MALRD1: variants seen among roughly 807,000 people sequenced by gnomAD.
The protein encoded by MALRD1 is MAM and LDL-receptor class A domain-containing protein 1.
In MALRD1, 247 loss-of-function variants were observed where a neutral mutation model predicts 242.1. That is an observed-to-expected ratio of 1.02 (90% CI 0.92 to 1.13). The LOEUF (loss-of-function observed/expected upper bound fraction) is 1.13, where lower values mean the gene tolerates loss of function less well. MALRD1 is among the 50% of genes most tolerant of loss of function. The pLI, the probability that MALRD1 is intolerant of heterozygous loss-of-function variation, is 0.00. For synonymous variants in MALRD1, 995 were observed against 866.6 expected, an observed-to-expected ratio of 1.15 and a Z score of -2.60; for missense variants, 2,989 against 2,533.1, an observed-to-expected ratio of 1.18 and a Z score of -3.86.
chr10:19,654,081 C>G (rs1339048080), intron 36 of MALRD1, among the ~76,000 whole-genome samples: 1 of 152,108 alleles, frequency 6.6e-6, no homozygotes, highest in Non-Finnish European at 1.5e-5. Context: ...CTATTTAAAG[C>G]ATAATATTGT....
chr10:19,410,913 A>C (rs1033054925), intron 28 of MALRD1, among the ~76,000 whole-genome samples: 1 of 152,194 alleles, frequency 6.6e-6, no homozygotes, highest in African/African-American at 2.4e-5. Flanking sequence ...CTAGTAATAT[A>C]GTTCATCTTG....
At chr10:19,098,313 A>G (rs1023675687) in intron 4 of MALRD1, among the ~76,000 whole-genome samples, 1 of 152,214 alleles carries the variant, frequency 6.6e-6, no homozygotes, top group African/African-American at 2.4e-5. Context: ...CATTTTTAAC[A>G]TGCTATTATT....
At chr10:19,613,990 A>G (rs16919167) in intron 35 of MALRD1, among the ~76,000 whole-genome samples, 4,393 of 152,046 alleles carry the variant, frequency 0.029, 217 homozygotes, top group African/African-American at 0.1. Flanking sequence ...TAGAACATCC[A>G]TCCCAATAGA....
intron 32 of MALRD1, among the ~76,000 whole-genome samples, chr10:19,543,715 C>G (rs78949387): frequency 0.016 from 2,412 of 152,200 alleles, 62 homozygotes; most frequent in African/African-American, 0.055. Context: ...ATCACTAATC[C>G]ACGTTATTTC....
intron 18 of MALRD1, among the ~76,000 whole-genome samples, chr10:19,234,288 A>G (rs1838205536): frequency 6.6e-6 from 1 of 152,096 alleles, no homozygotes; most frequent in Admixed American, 6.5e-5. Flanking sequence ...CTATTAAGAA[A>G]CTAAAATAAA....
chr10:19,730,902 G>A, intron 39 of MALRD1, 121 bp downstream of exon 39: 2 of 905,174 alleles, frequency 2.2e-6, no homozygotes, highest in Non-Finnish European at 3.3e-6. Context: ...TAAAAGAAAT[G>A]TTTTAGTGGA....
chr10:19,395,904 C>A (rs1255351813), intron 28 of MALRD1, among the ~76,000 whole-genome samples: 2 of 152,102 alleles, frequency 1.3e-5, no homozygotes, highest in African/African-American at 2.4e-5. Flanking sequence ...ACTGGAATCT[C>A]TTCTGTCTTG....
Position 19,326,889 on chromosome 10 carries a change from G to A in MALRD1, c.3577-674G>A, listed in dbSNP as rs114219931. 4.2e-3 allele frequency among the ~76,000 whole-genome samples: 632 copies of A among 152,132 alleles called. 4 individuals are homozygous for A. Among genetic ancestry groups the A allele is most frequent in the African/African-American group, 0.014 (589 of 41,534 alleles). ...TAAGTCAGTTATTTTAAAATCAGAAGTTGTTCCACTCTCCTTTGAGCCTTA... is the reference window on the plus strand; with the variant it reads ...TAAGTCAGTTATTTTAAAATCAGAAATTGTTCCACTCTCCTTTGAGCCTTA... On this transcript the variant is annotated intron_variant, in intron 22 of 39. Transcript: ENST00000454679.
intron 18 of MALRD1, among the ~76,000 whole-genome samples, chr10:19,247,610 T>A (rs889395803): frequency 6.6e-5 from 10 of 151,964 alleles, no homozygotes; most frequent in African/African-American, 2.4e-4. Context: ...AAATACCATT[T>A]TGGGAATCAG....
Position 19,692,302 on chromosome 10 carries a change from G to A in MALRD1, c.6158G>A (p.Gly2053Glu). ...TCCAGATGTAGACAAGGCTGGAAAG[G>A]AAATCGATGCCATATCAAGTTTAAT... ...PMCRCRQGWKGNRCHIKFNPP... is the reference protein window; with the variant it reads ...PMCRCRQGWKENRCHIKFNPP... The change falls in exon 37 of 40, where the codon GGA (glycine) becomes GAA (glutamate). Residue 2053 changes from glycine to glutamate, a missense_variant. By Grantham distance (98) the Gly-to-Glu change is moderately conservative (BLOSUM62 -2). Coordinates refer to ENST00000454679, the MANE Select transcript of MALRD1 (RefSeq NM_001142308.3). 1 of 1,534,858 alleles carries A rather than the reference G, an allele frequency of 6.5e-7. No homozygotes were observed. The highest frequency in any genetic ancestry group is 8.7e-7 in the Non-Finnish European group (1 of 1,146,224).
In MALRD1 at chr10:19,196,900, A is replaced by G. The variant is rs147722153; in HGVS notation, c.1952-6828A>G. On this transcript the variant is annotated intron_variant, in intron 14 of 39. Coordinates refer to ENST00000454679, the MANE Select transcript of MALRD1 (RefSeq NM_001142308.3). ...TGTCTGCTTTCAAAGTATCTCCACA[A>G]TGGCTAATTTTTTTCTTCATTGCTA... Among the ~76,000 whole-genome samples the G allele has an allele frequency of 2.8e-3, 425 of 152,204 alleles. 3 individuals carry two copies. Among genetic ancestry groups the G allele is most frequent in the African/African-American group, 9.8e-3 (407 of 41,526 alleles).
intron 28 of MALRD1, among the ~76,000 whole-genome samples, chr10:19,445,113 G>T (rs893078561): frequency 6.6e-6 from 1 of 152,104 alleles, no homozygotes; most frequent in African/African-American, 2.4e-5. Flanking sequence ...ACTGAAGCTT[G>T]TGCATGTATC....
In MALRD1 at chr10:19,450,387, A is replaced by G; in HGVS notation, c.4926A>G (p.Leu1642=). Residue 1642 remains leucine (L), a synonymous_variant, in exon 29 of 40, where the codon CTA becomes CTG. Transcript: ENST00000454679. ...GNHWQKADIL[L]GKLRNFEVIF... ...ATTGGCAAAAGGCTGACATCCTGCT[A>G]GGAAAGTTAAGGAATTTTGAAGTCA... The G allele has an allele frequency of 6.5e-7, 1 of 1,550,328 alleles. No individual in the cohort carries two copies. The highest frequency in any genetic ancestry group is 8.7e-7 in the Non-Finnish European group (1 of 1,146,942).
At chr10:19,155,244 G>A (rs1486156213) in intron 12 of MALRD1, 72 bp downstream of exon 12, 15 of 780,512 alleles carry the variant, frequency 1.9e-5, no homozygotes, top group Non-Finnish European at 2.4e-5. Flanking sequence ...TACTCTGCTA[G>A]TAATTGCCCG....
intron 28 of MALRD1, among the ~76,000 whole-genome samples, chr10:19,447,075 C>G (rs1019503081): frequency 5.5e-5 from 7 of 126,142 alleles, no homozygotes; most frequent in East Asian, 3.1e-4. Flanking sequence ...CACAGACACA[C>G]ACACACACAC....
At chr10:19,608,052 A>G in intron 35 of MALRD1, 150 bp downstream of exon 35, 1 of 1,058,086 alleles carries the variant, frequency 9.5e-7, no homozygotes, top group Non-Finnish European at 1.3e-6. Context: ...AAGAATGTTG[A>G]CATTAATTGC....
At chr10:19,715,627 G>T (rs1834346025) in intron 38 of MALRD1, among the ~76,000 whole-genome samples, 1 of 152,108 alleles carries the variant, frequency 6.6e-6, no homozygotes, top group Non-Finnish European at 1.5e-5. Context: ...ACTCCATTTG[G>T]ACTGCTATAA....
At chr10:19,316,435 A>T (rs551330797) in intron 21 of MALRD1, among the ~76,000 whole-genome samples, 1 of 152,006 alleles carries the variant, frequency 6.6e-6, no homozygotes, top group South Asian at 2.1e-4. Flanking sequence ...AACTCTGGGG[A>T]GTCAGCCAGT....
chr10:19,086,017 A>C (rs947106700), intron 2 of MALRD1, among the ~76,000 whole-genome samples: 2 of 152,056 alleles, frequency 1.3e-5, no homozygotes, highest in Non-Finnish European at 2.9e-5. Context: ...ACCTGCTGCA[A>C]GAGCCAACTA....
Sources: gnomAD v4.1 joint callset for allele counts (sites outside exome capture counted in the v4.1 genomes callset) on GRCh38, gnomAD v4.1.1 for gene constraint, MANE v1.5 for transcripts, NCBI Gene and HGNC (gene_info 2026-07-23, HGNC 2026-07-21) for gene names.